The following C5orf24 variants were observed in gnomAD, a reference collection of about 807,000 sequenced individuals.
The protein encoded by C5orf24 is UPF0461 protein C5orf24.
C5orf24 carries 4 observed loss-of-function variants against 9.8 expected under a neutral mutation model. The observed-to-expected ratio is 0.41, with a 90% CI of 0.20 to 0.93. The LOEUF is 0.93. C5orf24 is among the 40% of genes least tolerant of loss of function. The pLI is 0.33. For missense variants in C5orf24, 170 were observed against 236.9 expected (o/e 0.72, Z 1.85); for synonymous variants, 73 against 81.3 (o/e 0.90, Z 0.55).
intron 1 of C5orf24, among the ~76,000 whole-genome samples, chr5:134,850,248 A>G (rs1016337963): frequency 6.6e-6 from 1 of 151,998 alleles, no homozygotes; most frequent in African/African-American, 2.4e-5. Context: ...TCCCAGGTTC[A>G]AGCGATTCTC....
At chr5:134,837,811 A>G in the C5orf24 span, among the ~76,000 whole-genome samples, 1 of 152,232 alleles carries the variant, frequency 6.6e-6, no homozygotes, top group African/African-American at 2.4e-5. Context: ...AGTTTGTTAT[A>G]GCAGCCAAAA....
At chr5:134,852,189 C>T (rs1237129861) in intron 1 of C5orf24, among the ~76,000 whole-genome samples, 1 of 152,226 alleles carries the variant, frequency 6.6e-6, no homozygotes, top group African/African-American at 2.4e-5. Context: ...ATCCGCCTGC[C>T]TCGGCCTCCC....
rs1756395088 is a variant in C5orf24, at chr5:134,859,601, G to C, written c.*4134G>C. The C allele has an allele frequency of 6.0e-6, 1 of 167,030 alleles. No individual in the cohort carries two copies. The highest frequency in any genetic ancestry group is 1.5e-5 in the Non-Finnish European group (1 of 68,114). 10.3% of individuals were successfully genotyped at this position (167,030 alleles called of 1,614,324 possible). ...GCTGTAAAAAGTCTGAATAGATACTGTGTATGTTTTTATGTCCATGAACTT... is the reference window on the plus strand; with the variant it reads ...GCTGTAAAAAGTCTGAATAGATACTCTGTATGTTTTTATGTCCATGAACTT... On this transcript the variant is annotated 3_prime_UTR_variant, in exon 2 of 2. Transcript: ENST00000394976.
chr5:134,841,832 A>G (rs1755897069), upstream of C5orf24, among the ~76,000 whole-genome samples: 1 of 152,172 alleles, frequency 6.6e-6, no homozygotes, highest in Non-Finnish European at 1.5e-5. Flanking sequence ...CAGAGGAGCT[A>G]CATAGTGGAG....
intron 1 of C5orf24, among the ~76,000 whole-genome samples, chr5:134,854,035 G>A (rs1756240550): frequency 6.6e-6 from 1 of 152,132 alleles, no homozygotes; most frequent in Non-Finnish European, 1.5e-5. Flanking sequence ...AGCTGAGATC[G>A]AGTCACTGCA....
At chr5:134,848,971 AAAG>A (rs1207925937) in intron 1 of C5orf24, among the ~76,000 whole-genome samples, 4 of 150,006 alleles carry the variant, frequency 2.7e-5, no homozygotes, top group Non-Finnish European at 5.9e-5. Context: ...AAAAAAAAAA[AAAG>A]AGGCTGGGCG....
chr5:134,848,658 CAAAAAAAA>C (rs35768120), intron 1 of C5orf24, among the ~76,000 whole-genome samples: 2 of 37,574 alleles, frequency 5.3e-5, no homozygotes, highest in Admixed American at 4.4e-4. Context: ...AACTCCGTCT[CAAAAAAAA>C]AAAAAAAAAA....
rs1208216794 is a variant in C5orf24 at position 134,855,480 on chromosome 5, A to G, written c.*13A>G. On this transcript the variant is annotated 3_prime_UTR_variant, in exon 2 of 2. Transcript: ENST00000394976. ...ACCCAATGAGTGAATGAGGCAGGAA[A>G]AGAGGGCCAGGTTTAGAAGGAAGAT... is the stretch of plus-strand genomic sequence containing the variant. 1 of 1,613,446 alleles carries G rather than the reference A, an allele frequency of 6.2e-7. No homozygotes were observed. The highest frequency in any genetic ancestry group is 8.5e-7 in the Non-Finnish European group (1 of 1,179,884).
At chr5:134,843,602 A>G (rs1002555063), upstream of C5orf24, among the ~76,000 whole-genome samples, 1 of 151,930 alleles carries the variant, frequency 6.6e-6, no homozygotes, top group Non-Finnish European at 1.5e-5. Flanking sequence ...TGTCACCCAG[A>G]CTGGAGTGCA....
At position 134,855,034 on chromosome 5, in the gene C5orf24, C is replaced by T. The variant is rs1006959344; in HGVS notation, c.134C>T (p.Thr45Ile). ...YSSQQSKYSHTVNHKPMVCQR... is the reference protein window; with the variant it reads ...YSSQQSKYSHIVNHKPMVCQR... ...TCCCAGCAAAGCAAATACAGCCACA[C>T]AGTCAACCACAAACCAATGGTTTGT... is the stretch of plus-strand genomic sequence containing the variant. The change falls in exon 2 of 2, where the codon ACA (threonine) becomes ATA (isoleucine). Residue 45 changes from threonine (T) to isoleucine (I), a missense_variant. Thr to Ile is a moderately conservative substitution (Grantham distance 89). Coordinates refer to ENST00000394976, the MANE Select transcript of C5orf24 (RefSeq NM_001135586.1). The T allele has an allele frequency of 8.7e-6, 14 of 1,614,046 alleles. No individual in the cohort carries two copies. The highest frequency in any genetic ancestry group is 1.3e-5 in the African/African-American group (1 of 74,922).
At position 134,855,299 on chromosome 5, in the gene C5orf24, A is replaced by T; in HGVS notation, c.399A>T (p.Gly133=). ...GRPLGTTKAA[G]YKVSPGRPPG... Reference sequence around the variant, plus strand: ...CTTTGGGGACAACTAAAGCTGCGGGATACAAAGTCAGCCCAGGCAGACCTC... The same window carrying T: ...CTTTGGGGACAACTAAAGCTGCGGGTTACAAAGTCAGCCCAGGCAGACCTC... Residue 133 remains glycine (G), a synonymous_variant, in exon 2 of 2, where the codon GGA becomes GGT. Coordinates refer to ENST00000394976, the MANE Select transcript of C5orf24 (RefSeq NM_001135586.1). 1 of 1,614,174 alleles carries T rather than the reference A, an allele frequency of 6.2e-7. No individual in the cohort carries two copies. The highest frequency in any genetic ancestry group is 2.2e-5 in the East Asian group (1 of 44,884).
At chr5:134,844,386 T>C (rs1561883519), upstream of C5orf24, among the ~76,000 whole-genome samples, 1 of 152,196 alleles carries the variant, frequency 6.6e-6, no homozygotes, top group Non-Finnish European at 1.5e-5. Context: ...TTGCCCAGGC[T>C]GGAGTGCAGT....
the C5orf24 span, among the ~76,000 whole-genome samples, chr5:134,837,082 A>T: frequency 0.067 from 10,228 of 151,764 alleles, 745 homozygotes; most frequent in African/African-American, 0.19. Flanking sequence ...CAAGTGATTT[A>T]CCTGTCTCAG....
chr5:134,850,170 A>G (rs111387142), intron 1 of C5orf24, among the ~76,000 whole-genome samples: 95 of 152,186 alleles, frequency 6.2e-4, no homozygotes, highest in African/African-American at 2.1e-3. Flanking sequence ...TTTCTTTGAG[A>G]TGGAGTTTGC....
At chr5:134,854,091 T>A (rs1467808161) in intron 1 of C5orf24, among the ~76,000 whole-genome samples, 3 of 152,136 alleles carry the variant, frequency 2.0e-5, no homozygotes, top group Non-Finnish European at 4.4e-5. Flanking sequence ...AAAATTTTTT[T>A]AAAAAAGGAG....
rs1047684054 is a variant in C5orf24, at chr5:134,857,020, A to G, written c.*1553A>G. Reference sequence around the variant, plus strand: ...GCTTTAGAAGCAAGATAGAAAGGAAAAAAAGTATTAGGTAGATATGTATAG... The same window carrying G: ...GCTTTAGAAGCAAGATAGAAAGGAAGAAAAGTATTAGGTAGATATGTATAG... On this transcript the variant is annotated 3_prime_UTR_variant, in exon 2 of 2. Transcript: ENST00000394976. 1.3e-5 allele frequency: 13 copies of G among 1,024,328 alleles called. No homozygotes were observed. The highest frequency in any genetic ancestry group is 2.4e-6 in the Non-Finnish European group (2 of 846,348). 63.5% of individuals were successfully genotyped at this position (1,024,328 alleles called of 1,614,324 possible).
upstream of C5orf24, among the ~76,000 whole-genome samples, chr5:134,843,296 T>C (rs898276801): frequency 3.9e-5 from 6 of 152,224 alleles, no homozygotes; most frequent in East Asian, 7.7e-4. Flanking sequence ...TGAATTCTTA[T>C]TCAAGATTTT....
At chr5:134,838,408 C>T in the C5orf24 span, among the ~76,000 whole-genome samples, 15 of 152,262 alleles carry the variant, frequency 9.9e-5, no homozygotes, top group East Asian at 9.6e-4. Flanking sequence ...CGGTGGCTCA[C>T]GCCTGTAATC....
chr5:134,837,925 A>AT, the C5orf24 span, among the ~76,000 whole-genome samples: 1 of 152,112 alleles, frequency 6.6e-6, no homozygotes. Context: ...AGCAAGATTC[A>AT]TTTTTTTCCT....
Sources: gnomAD v4.1 joint callset for allele counts (sites outside exome capture counted in the v4.1 genomes callset) on GRCh38, gnomAD v4.1.1 for gene constraint, MANE v1.5 for transcripts, NCBI Gene and HGNC (gene_info 2026-07-23, HGNC 2026-07-21) for gene names.